Variants in PIK3R5 observed in about 807,000 individuals in gnomAD.
PIK3R5 encodes the protein phosphoinositide 3-kinase regulatory subunit 5.
Under a neutral mutation model 94.9 loss-of-function variants are expected in PIK3R5, and 32 were observed. The ratio of observed to expected loss-of-function variants is 0.34; its 90% CI spans 0.25 to 0.45. PIK3R5 has a LOEUF of 0.45. PIK3R5 is among the 20% of genes least tolerant of loss of function. The pLI, the probability that PIK3R5 is intolerant of heterozygous loss-of-function variation, is 1.00. For missense variants in PIK3R5, 853 were observed against 1,144.6 expected (o/e 0.75, Z 3.68); for synonymous variants, 443 against 479.4 (o/e 0.92, Z 0.99).
rs1002700583 is a variant in PIK3R5 at position 8,907,321 on chromosome 17, A to G, written c.205-1584T>C. Among the ~76,000 whole-genome samples the G allele has an allele frequency of 5.3e-5, 8 of 152,182 alleles. No homozygotes were observed. In the East Asian group the frequency reaches 1.5e-3, roughly 29 times the overall value. Reference sequence around the variant, plus strand: ...GCTGGGATTACAGGCGTGAGCCACCATGCCTGGCATCTTATTAGTTTCATT... The same window carrying G: ...GCTGGGATTACAGGCGTGAGCCACCGTGCCTGGCATCTTATTAGTTTCATT... On this transcript the variant is annotated intron_variant, in intron 3 of 18. Coordinates refer to ENST00000447110, the MANE Select transcript of PIK3R5 (RefSeq NM_001142633.3).
In PIK3R5 at chr17:8,882,066, C is replaced by A. The variant is rs951382569; in HGVS notation, c.2206-185G>T. The A allele has an allele frequency of 3.4e-6, 2 of 596,748 alleles. No homozygotes were observed. The highest frequency in any genetic ancestry group is 2.8e-5 in the East Asian group (1 of 35,602). The allele number at this position is 596,748 out of a possible 1,614,324, so 37.0% of individuals were successfully genotyped here. A position where few individuals can be genotyped will look rare whatever the true frequency, so the allele number is the denominator to read the frequency against. ...CTGGATGACTCCAGGGAAGAGCTCA[C>A]GTCACTGGCTTGGTCTAGGGGTCAG... On this transcript the variant is annotated intron_variant, in intron 15 of 18. Transcript: ENST00000447110. This position sits in a 1 kb window ranked among gnomAD's most constrained non-coding sequence, Gnocchi z 4.1.
At chr17:8,883,603 T>C (rs2089734953) in intron 15 of PIK3R5, among the ~76,000 whole-genome samples, 1 of 152,204 alleles carries the variant, frequency 6.6e-6, no homozygotes, top group African/African-American at 2.4e-5. Context: ...CTCAGCCTAA[T>C]TAATTCCTGG....
intron 5 of PIK3R5, among the ~76,000 whole-genome samples, chr17:8,897,683 G>A (rs1012616703): frequency 2.0e-5 from 3 of 152,152 alleles, no homozygotes; most frequent in Non-Finnish European, 4.4e-5. Flanking sequence ...CAGTTGATGA[G>A]TCAATTTCTC....
chr17:8,905,634 C>T (rs781668857), intron 4 of PIK3R5, 35 bp downstream of exon 4: 19 of 1,531,582 alleles, frequency 1.2e-5, no homozygotes, highest in Non-Finnish European at 1.6e-5. Context: ...CCCCCTCCTC[C>T]CTCACCTCCA....
intron 3 of PIK3R5, among the ~76,000 whole-genome samples, chr17:8,908,561 A>ACACACACC (rs2090446696): frequency 6.6e-6 from 1 of 151,496 alleles, no homozygotes; most frequent in Non-Finnish European, 1.5e-5. Flanking sequence ...ACACACACAC[A>ACACACACC]CACACACACA....
chr17:8,930,953 T>C (rs2151440867), intron 1 of PIK3R5, among the ~76,000 whole-genome samples: 1 of 152,338 alleles, frequency 6.6e-6, no homozygotes, highest in Middle Eastern at 3.4e-3. Flanking sequence ...TTCTATATCT[T>C]GACTGTATCA....
chr17:8,948,840 G>T, intron 1 of PIK3R5, among the ~76,000 whole-genome samples: 1 of 152,158 alleles, frequency 6.6e-6, no homozygotes, highest in East Asian at 1.9e-4. Flanking sequence ...ACATGCAACA[G>T]GAAGTTCAGA....
Position 8,944,660 on chromosome 17 carries a change from A to T in PIK3R5, c.-14+20936T>A, listed in dbSNP as rs368153118. ...GGAACATGGGACCACTCCTATATCC[A>T]TCTTTACTCTCCAGACCTGTCTTCA... is the stretch of plus-strand genomic sequence containing the variant. On this transcript the variant is annotated intron_variant, in intron 1 of 18. Transcript: ENST00000447110. 3.3e-5 allele frequency among the ~76,000 whole-genome samples: 5 copies of T among 152,284 alleles called. No individual in the cohort carries two copies. The East Asian group carries it at 7.7e-4, about 23-fold the overall frequency.
chr17:8,911,659 G>C lies in PIK3R5; in HGVS notation c.-13-152C>G. Reference sequence around the variant, plus strand: ...TGGAAACAGGACCAGGGGCCTTACAGCTGCCTCCAGGGTAGGAATGGCATC... The same window carrying C: ...TGGAAACAGGACCAGGGGCCTTACACCTGCCTCCAGGGTAGGAATGGCATC... On this transcript the variant is annotated intron_variant, in intron 1 of 18. Coordinates refer to ENST00000447110, the MANE Select transcript of PIK3R5 (RefSeq NM_001142633.3). This position sits in a 1 kb window ranked among gnomAD's most constrained non-coding sequence, Gnocchi z 5.3. 1.7e-6 allele frequency: 1 copy of C among 588,016 alleles called. No homozygotes were observed. Among genetic ancestry groups the C allele is most frequent in the Non-Finnish European group, 3.0e-6 (1 of 329,650 alleles). The allele number at this position is 588,016 out of a possible 1,614,324, so 36.4% of individuals were successfully genotyped here.
Position 8,925,154 on chromosome 17 carries a change from C to T in PIK3R5, c.-13-13647G>A, listed in dbSNP as rs1321946725. Among the ~76,000 whole-genome samples the T allele has an allele frequency of 3.5e-5, 5 of 142,582 alleles. No homozygotes were observed. The highest frequency in any genetic ancestry group is 7.6e-5 in the Non-Finnish European group (5 of 65,704). The allele number at this position is 142,582 out of a possible 152,430, so 93.5% of individuals were successfully genotyped here. Reference sequence around the variant, plus strand: ...AGATAGATAGTAGATGAATAGATAGCTAGATAGTAGATGGATAGATGGGTA... The same window carrying T: ...AGATAGATAGTAGATGAATAGATAGTTAGATAGTAGATGGATAGATGGGTA... On this transcript the variant is annotated intron_variant, in intron 1 of 18. Coordinates refer to ENST00000447110, the MANE Select transcript of PIK3R5 (RefSeq NM_001142633.3). This position sits in a 1 kb window ranked among gnomAD's most constrained non-coding sequence, Gnocchi z 5.1.
chr17:8,886,444 G>A (rs1454632400), intron 13 of PIK3R5, 33 bp downstream of exon 13: 7 of 1,597,884 alleles, frequency 4.4e-6, no homozygotes, highest in Non-Finnish European at 5.1e-6. Context: ...CCGGCAGGTG[G>A]GGAAGAGGCG....
chr17:8,929,627 C>A (rs998114669), intron 1 of PIK3R5, among the ~76,000 whole-genome samples: 3 of 151,874 alleles, frequency 2.0e-5, no homozygotes, highest in Non-Finnish European at 4.4e-5. Context: ...GCTATACAGC[C>A]AAAAAAAGAG....
Position 8,884,328 on chromosome 17 carries a change from T to C in PIK3R5, c.2205+379A>G, listed in dbSNP as rs2089757067. ...ACTCCTTTCTCACGCCAATCCCATC[T>C]TGCATGCAGCCTGCCAGGCACACTG... On this transcript the variant is annotated intron_variant, in intron 15 of 18. Coordinates refer to ENST00000447110, the MANE Select transcript of PIK3R5 (RefSeq NM_001142633.3). This position sits in a 1 kb window ranked among gnomAD's most constrained non-coding sequence, Gnocchi z 5.8. Among the ~76,000 whole-genome samples, 1 of 152,082 alleles carries C rather than the reference T, an allele frequency of 6.6e-6. No individual in the cohort carries two copies. The highest frequency in any genetic ancestry group is 6.5e-5 in the Admixed American group (1 of 15,286).
rs1046944928 is a variant in PIK3R5, at chr17:8,892,825, G to A, written c.482+761C>T. Among the ~76,000 whole-genome samples the A allele has an allele frequency of 7.9e-5, 12 of 152,118 alleles. No individual in the cohort carries two copies. The highest frequency in any genetic ancestry group is 2.9e-4 in the African/African-American group (12 of 41,420). ...TATAATTTCTGAGGTGGTGAAGGCC[G>A]GGGTCCCTGGGCTCCCAACATGTCA... is the stretch of plus-strand genomic sequence containing the variant. On this transcript the variant is annotated intron_variant, in intron 6 of 18. Transcript: ENST00000447110. This position sits in a 1 kb window ranked among gnomAD's most constrained non-coding sequence, Gnocchi z 4.3.
At chr17:8,902,046 CTTTTT>C (rs766852071) in intron 5 of PIK3R5, among the ~76,000 whole-genome samples, 2 of 151,452 alleles carry the variant, frequency 1.3e-5, no homozygotes, top group Non-Finnish European at 2.9e-5. Flanking sequence ...TTTGTTCTTT[CTTTTT>C]AATTTTTGCC....
chr17:8,942,763 G>A (rs1027027346), intron 1 of PIK3R5, among the ~76,000 whole-genome samples: 96 of 152,046 alleles, frequency 6.3e-4, no homozygotes, highest in Middle Eastern at 3.4e-3. Context: ...CCGCCACCAC[G>A]CCCGGCTAAT....
At chr17:8,954,984 C>T (rs2091444154) in intron 1 of PIK3R5, among the ~76,000 whole-genome samples, 1 of 151,602 alleles carries the variant, frequency 6.6e-6, no homozygotes, top group African/African-American at 2.4e-5. Context: ...GTTCTCAGCA[C>T]CTGGAGTTTG....
intron 1 of PIK3R5, among the ~76,000 whole-genome samples, chr17:8,913,150 C>G (rs572774300): frequency 6.6e-6 from 1 of 152,092 alleles, no homozygotes; most frequent in Non-Finnish European, 1.5e-5. Context: ...CAAGTGGGGA[C>G]CCCCCTCCAG....
intron 1 of PIK3R5, among the ~76,000 whole-genome samples, chr17:8,943,080 T>C (rs1450173536): frequency 6.6e-6 from 1 of 151,674 alleles, no homozygotes; most frequent in Non-Finnish European, 1.5e-5. Context: ...CTTTTTCTTT[T>C]TTTTTTCGTC....
Sources: allele counts gnomAD v4.1 joint callset (sites outside exome capture counted in the v4.1 genomes callset), GRCh38; gene constraint gnomAD v4.1.1; non-coding constraint Gnocchi (gnomAD v3.1); transcripts MANE v1.5; gene names NCBI Gene and HGNC (gene_info 2026-07-23, HGNC 2026-07-21).